Variants in MERTK observed in about 807,000 individuals in gnomAD.
MERTK encodes MER proto-oncogene, tyrosine kinase, also known as tyrosine-protein kinase Mer.
MERTK carries 69 observed loss-of-function variants against 99.3 expected under a neutral mutation model. That is an observed-to-expected ratio of 0.70 (90% CI 0.57 to 0.85). The LOEUF (loss-of-function observed/expected upper bound fraction) is 0.85. MERTK is among the 40% of genes least tolerant of loss of function. The pLI is 0.00. For missense variants in MERTK, 1,125 were observed against 1,249.4 expected (o/e 0.90, Z 1.50); for synonymous variants, 426 against 467.6 (o/e 0.91, Z 1.15).
chr2:111,997,523 T>A, intron 10 of MERTK, 47 bp downstream of exon 10: 1 of 1,599,150 alleles, frequency 6.3e-7, no homozygotes. Context: ...TTGACAAGGT[T>A]GTTATACCAA....
At chr2:111,918,422 T>G (rs1003238538) in intron 1 of MERTK, among the ~76,000 whole-genome samples, 6 of 151,720 alleles carry the variant, frequency 4.0e-5, no homozygotes, top group Admixed American at 6.6e-5. Flanking sequence ...TAACATGAAC[T>G]GAGCATCTCA....
At chr2:111,984,790 G>A (rs916823667) in intron 8 of MERTK, among the ~76,000 whole-genome samples, 1 of 152,156 alleles carries the variant, frequency 6.6e-6, no homozygotes, top group Non-Finnish European at 1.5e-5. Flanking sequence ...GAGCATATTT[G>A]CTGAGCACAT....
intron 1 of MERTK, among the ~76,000 whole-genome samples, chr2:111,919,836 G>C (rs75312696): frequency 0.048 from 6,284 of 131,086 alleles, 269 homozygotes; most frequent in Non-Finnish European, 0.064. Context: ...GGAATGTATT[G>C]GGCCAGGGGC....
At chr2:112,028,189 T>C (rs1677508952) in intron 18 of MERTK, 162 bp from the exon 19 acceptor site, 2 of 752,234 alleles carry the variant, frequency 2.7e-6, no homozygotes, top group East Asian at 2.7e-5. Context: ...TTTACAAAAG[T>C]TGTATAAATA....
chr2:111,929,764 T>G (rs144054471), intron 2 of MERTK, among the ~76,000 whole-genome samples: 1 of 94,024 alleles, frequency 1.1e-5, no homozygotes, highest in Non-Finnish European at 2.5e-5. Flanking sequence ...TTTTTTTTTT[T>G]TTTTTTTTGT....
intron 13 of MERTK, among the ~76,000 whole-genome samples, chr2:112,007,750 A>T (rs1027071543): frequency 2.0e-5 from 3 of 151,710 alleles, no homozygotes; most frequent in African/African-American, 4.9e-5. Context: ...CTTGCAGGAC[A>T]TACAACAATA....
At chr2:111,934,170 C>G (rs1211185781) in intron 2 of MERTK, among the ~76,000 whole-genome samples, 1 of 152,100 alleles carries the variant, frequency 6.6e-6, no homozygotes, top group African/African-American at 2.4e-5. Flanking sequence ...GAGAATGATG[C>G]TGTAATAAAC....
intron 16 of MERTK, among the ~76,000 whole-genome samples, chr2:112,020,074 T>C (rs985147800): frequency 6.6e-6 from 1 of 152,224 alleles, no homozygotes; most frequent in African/African-American, 2.4e-5. Flanking sequence ...TAACTATGTC[T>C]TGATTTTAAG....
intron 1 of MERTK, among the ~76,000 whole-genome samples, chr2:111,922,265 G>A (rs1684473817): frequency 6.6e-6 from 1 of 152,126 alleles, no homozygotes; most frequent in Admixed American, 6.6e-5. Context: ...TGCAATTTCA[G>A]TTGCTGCTGC....
intron 1 of MERTK, among the ~76,000 whole-genome samples, chr2:111,907,867 A>G (rs1383665007): frequency 6.6e-6 from 1 of 152,252 alleles, no homozygotes; most frequent in East Asian, 1.9e-4. Flanking sequence ...GTTCTCAAGA[A>G]GAGGTATGCT....
At chr2:111,923,765 A>G (rs947585794) in intron 1 of MERTK, among the ~76,000 whole-genome samples, 22 of 152,208 alleles carry the variant, frequency 1.4e-4, no homozygotes, top group African/African-American at 3.4e-4. Flanking sequence ...TTCATCTGCA[A>G]TCACTACCCA....
intron 10 of MERTK, among the ~76,000 whole-genome samples, chr2:111,999,744 G>C (rs1676828390): frequency 6.6e-6 from 1 of 152,194 alleles, no homozygotes; most frequent in Non-Finnish European, 1.5e-5. Flanking sequence ...AACAGGTTTT[G>C]TGTGAGCAGT....
intron 1 of MERTK, among the ~76,000 whole-genome samples, chr2:111,903,413 G>C (rs562666727): frequency 2.6e-5 from 4 of 152,290 alleles, no homozygotes; most frequent in African/African-American, 9.6e-5. Flanking sequence ...AAACCAGACA[G>C]ATTTTTGGGC....
In MERTK at chr2:112,008,429, A is replaced by T; in HGVS notation, c.1914A>T (p.Ala638=). Residue 638 remains alanine, a synonymous_variant, in exon 14 of 19, where the codon GCA becomes GCT. Transcript: ENST00000295408. ...QREIEEFLSE[A]ACMKDFSHPN... is the part of the protein sequence containing the mutation. ...AGATCGAGGAGTTTCTCAGTGAGGC[A>T]GCGTGCATGAAAGACTTCAGCCACC... 1 of 1,614,186 alleles carries T rather than the reference A, an allele frequency of 6.2e-7. No individual in the cohort carries two copies. Among genetic ancestry groups the T allele is most frequent in the Non-Finnish European group, 8.5e-7 (1 of 1,180,028 alleles).
chr2:111,957,736 C>T (rs1486663737), intron 4 of MERTK, among the ~76,000 whole-genome samples: 1 of 152,126 alleles, frequency 6.6e-6, no homozygotes, highest in East Asian at 1.9e-4. Flanking sequence ...TCGATGAAAG[C>T]AGAGCAGATA....
chr2:111,997,517 C>A, intron 10 of MERTK, 41 bp downstream of exon 10: 2 of 1,603,682 alleles, frequency 1.2e-6, no homozygotes, highest in Non-Finnish European at 8.5e-7. Flanking sequence ...CTGGTATTGA[C>A]AAGGTTGTTA....
intron 10 of MERTK, among the ~76,000 whole-genome samples, chr2:112,000,725 A>G (rs1042959212): frequency 6.6e-6 from 1 of 151,934 alleles, no homozygotes; most frequent in Non-Finnish European, 1.5e-5. Flanking sequence ...CCCTTTCCCT[A>G]CTGTTCTTTG....
intron 4 of MERTK, among the ~76,000 whole-genome samples, chr2:111,951,572 T>C (rs545319014): frequency 9.9e-5 from 13 of 131,126 alleles, no homozygotes; most frequent in African/African-American, 3.3e-4. Flanking sequence ...AATCCATTTA[T>C]CTGTTTATGG....
chr2:111,934,630 T>C (rs1442021140), intron 2 of MERTK, among the ~76,000 whole-genome samples: 1 of 152,160 alleles, frequency 6.6e-6, no homozygotes, highest in African/African-American at 2.4e-5. Context: ...CTTTGTCAGA[T>C]GGATAGATTG....
Sources: allele counts gnomAD v4.1 joint callset (sites outside exome capture counted in the v4.1 genomes callset), GRCh38; gene constraint gnomAD v4.1.1; transcripts MANE v1.5; gene names NCBI Gene and HGNC (gene_info 2026-07-23, HGNC 2026-07-21).